MPP7: variants seen among roughly 807,000 people sequenced by gnomAD.
MPP7 encodes the protein MAGUK p55 scaffold protein 7, also known as MAGUK p55 subfamily member 7.
MPP7 carries 60 observed loss-of-function variants against 76.5 expected under a neutral mutation model. The observed-to-expected ratio is 0.78, with a 90% CI of 0.64 to 0.97. The LOEUF (loss-of-function observed/expected upper bound fraction) is 0.97. Among genes scored for constraint, MPP7 ranks in the 50% least tolerant of loss-of-function variants. The pLI is 0.00. For synonymous variants in MPP7, 237 were observed against 244.5 expected (o/e 0.97, Z 0.29); for missense variants, 641 against 694.0 (o/e 0.92, Z 0.86).
intron 13 of MPP7, among the ~76,000 whole-genome samples, chr10:28,066,201 T>C (rs978735039): frequency 2.0e-5 from 3 of 152,092 alleles, no homozygotes; most frequent in East Asian, 1.9e-4. Context: ...ACTCCATCTC[T>C]ACAATCAATC....
In MPP7 at chr10:28,302,741, C is replaced by T. The variant is rs528286555; in HGVS notation, c.-132+120G>A. Among the ~76,000 whole-genome samples the T allele has an allele frequency of 3.0e-3, 458 of 152,168 alleles. 1 individual carries two copies. Among genetic ancestry groups the T allele is most frequent in the African/African-American group, 0.01 (416 of 41,556 alleles). On this transcript the variant is annotated intron_variant, in intron 1 of 16. Transcript: ENST00000683449. ...GCGCCTAGAGGCCGGCAGGAGGCTC[C>T]GGAGGACCGCGGCACCGCTCGGCCC...
At chr10:28,274,672 G>GTA (rs1840437348) in intron 1 of MPP7, among the ~76,000 whole-genome samples, 1 of 152,146 alleles carries the variant, frequency 6.6e-6, no homozygotes, top group African/African-American at 2.4e-5. Context: ...ACAGACTAAA[G>GTA]TATAGCACAG....
chr10:28,202,324 T>G, intron 2 of MPP7, 53 bp from the exon 3 acceptor site: 1 of 1,329,806 alleles, frequency 7.5e-7, no homozygotes. Context: ...TCTCATTAAT[T>G]TCGCCTAAGG....
At chr10:28,160,008 A>C (rs758727107) in intron 3 of MPP7, among the ~76,000 whole-genome samples, 25 of 152,142 alleles carry the variant, frequency 1.6e-4, no homozygotes, top group Non-Finnish European at 2.2e-4. Flanking sequence ...TGGCAGAGAC[A>C]AGTTTTTCAA....
At chr10:28,206,428 T>C (rs984572246) in intron 2 of MPP7, among the ~76,000 whole-genome samples, 1 of 152,192 alleles carries the variant, frequency 6.6e-6, no homozygotes. Flanking sequence ...TTAACATCTG[T>C]TTATGTCTAA....
Position 28,057,814 on chromosome 10 carries a change from G to A in MPP7, c.1407+681C>T, listed in dbSNP as rs1404826745. On this transcript the variant is annotated intron_variant, in intron 15 of 16. Transcript: ENST00000683449. Reference sequence around the variant, plus strand: ...TAGCATTTGGAGGTTTTGCACCCCAGGGTACAGCCATCAGTGGAAGGAGAA... The same window carrying A: ...TAGCATTTGGAGGTTTTGCACCCCAAGGTACAGCCATCAGTGGAAGGAGAA... The A allele has an allele frequency of 2.3e-6, 3 of 1,283,670 alleles. No homozygotes were observed. The African/African-American group carries it at 4.6e-5, about 20-fold the overall frequency. 79.5% of individuals were successfully genotyped at this position (1,283,670 alleles called of 1,614,324 possible).
chr10:28,131,614 G>T lies in MPP7; in HGVS notation c.393C>A (p.Asp131Glu), dbSNP rs1408930103. ...TTATTTTTACTGAGTCTTCCTCATCGTCAATATCTTCAGGCATAGGAGGCA... is the reference window on the plus strand; with the variant it reads ...TTATTTTTACTGAGTCTTCCTCATCTTCAATATCTTCAGGCATAGGAGGCA... ...PVLPPMPEDI[D>E]DEEDSVKIIR... The change falls in exon 6 of 17, where the codon GAC (aspartate) becomes GAA (glutamate). Residue 131 changes from aspartate to glutamate, a missense_variant. Physicochemically the swap from Asp to Glu is conservative, Grantham distance 45. Coordinates refer to ENST00000683449, the MANE Select transcript of MPP7 (RefSeq NM_001318170.2). The T allele has an allele frequency of 6.2e-7, 1 of 1,606,112 alleles. No homozygotes were observed. The highest frequency in any genetic ancestry group is 1.8e-4 in the Middle Eastern group (1 of 5,494).
chr10:28,119,165 A>C, intron 11 of MPP7: 1 of 604,072 alleles, frequency 1.7e-6, no homozygotes, highest in Non-Finnish European at 2.1e-6. Flanking sequence ...TAGTCTGGTA[A>C]TAACTCCAAA....
chr10:28,125,839 C>T (rs558158969), intron 6 of MPP7, among the ~76,000 whole-genome samples: 27 of 152,224 alleles, frequency 1.8e-4, no homozygotes, highest in Admixed American at 1.8e-3. Context: ...CTTACAGATA[C>T]TCAGAAGCAA....
chr10:28,204,402 C>T (rs1280278962), intron 2 of MPP7, among the ~76,000 whole-genome samples: 1 of 139,168 alleles, frequency 7.2e-6, no homozygotes, highest in Non-Finnish European at 1.5e-5. Flanking sequence ...AAGACCACAC[C>T]ATTGCACTCC....
At chr10:28,262,047 A>G (rs1188321604) in intron 1 of MPP7, among the ~76,000 whole-genome samples, 1 of 151,118 alleles carries the variant, frequency 6.6e-6, no homozygotes. Context: ...GCTACTCAGG[A>G]GGCTGAGGCA....
At position 28,169,565 on chromosome 10, in the gene MPP7, C is replaced by T. The variant is rs575091192; in HGVS notation, c.157-19506G>A. On this transcript the variant is annotated intron_variant, in intron 3 of 16. Coordinates refer to ENST00000683449, the MANE Select transcript of MPP7 (RefSeq NM_001318170.2). ...TTAGATAATTGCCATCTTTACAATA[C>T]TGAGTCTCCCTATTTGTGAACAAGT... is the stretch of plus-strand genomic sequence containing the variant. 4.6e-5 allele frequency among the ~76,000 whole-genome samples: 7 copies of T among 152,278 alleles called. 1 individual carries two copies. Among genetic ancestry groups the T allele is most frequent in the Middle Eastern group, 3.4e-3 (1 of 294 alleles).
intron 12 of MPP7, among the ~76,000 whole-genome samples, chr10:28,070,348 G>A (rs11006835): frequency 0.04 from 6,044 of 152,196 alleles, 399 homozygotes; most frequent in African/African-American, 0.13. Context: ...GCAGTGAGCC[G>A]AGATCGCGCC....
chr10:28,106,090 C>T (rs940725318), intron 11 of MPP7, among the ~76,000 whole-genome samples: 1 of 152,160 alleles, frequency 6.6e-6, no homozygotes, highest in Admixed American at 6.5e-5. Context: ...AAGCTCATCA[C>T]CTTTTCCAAA....
chr10:28,158,089 T>C (rs1836129854), intron 3 of MPP7, among the ~76,000 whole-genome samples: 1 of 152,174 alleles, frequency 6.6e-6, no homozygotes, highest in Non-Finnish European at 1.5e-5. Flanking sequence ...ATAAATCCTC[T>C]AATCCTGCAC....
At chr10:28,062,761 G>A (rs190040058) in intron 13 of MPP7, among the ~76,000 whole-genome samples, 138 of 152,252 alleles carry the variant, frequency 9.1e-4, no homozygotes, top group Non-Finnish European at 1.6e-3. Flanking sequence ...TAAAGTCAAC[G>A]TTATATTAAT....
chr10:28,230,014 G>A (rs1000201945), intron 2 of MPP7, among the ~76,000 whole-genome samples: 5 of 152,280 alleles, frequency 3.3e-5, no homozygotes, highest in African/African-American at 1.2e-4. Context: ...ATATGAAGTA[G>A]AAGTCCTGTA....
At chr10:28,066,645 C>G (rs1040630444) in intron 13 of MPP7, among the ~76,000 whole-genome samples, 3 of 152,146 alleles carry the variant, frequency 2.0e-5, no homozygotes, top group Non-Finnish European at 1.5e-5. Context: ...TAACAAGAAG[C>G]AGAAAATTGC....
intron 1 of MPP7, among the ~76,000 whole-genome samples, chr10:28,251,043 A>T (rs1839597058): frequency 6.6e-6 from 1 of 152,242 alleles, no homozygotes; most frequent in African/African-American, 2.4e-5. Context: ...GCTTTAGCTG[A>T]TGTGTTAAAG....
Sources: gnomAD v4.1 joint callset for allele counts (sites outside exome capture counted in the v4.1 genomes callset) on GRCh38, gnomAD v4.1.1 for gene constraint, MANE v1.5 for transcripts, NCBI Gene and HGNC (gene_info 2026-07-23, HGNC 2026-07-21) for gene names.